The following ALK variants were observed in gnomAD, a reference collection of about 807,000 sequenced individuals.
The protein encoded by ALK is ALK receptor tyrosine kinase.
In ALK, 74 loss-of-function variants were observed where a neutral mutation model predicts 163.1. That is an observed-to-expected ratio of 0.45 (90% confidence interval 0.38 to 0.55). The LOEUF is 0.55. Among genes scored for constraint, ALK ranks in the 20% least tolerant of loss-of-function variants. The pLI, the probability that ALK is intolerant of heterozygous loss-of-function variation, is 0.00. For synonymous variants in ALK, 960 were observed against 843.2 expected, an observed-to-expected ratio of 1.14 and a Z score of -2.40; for missense variants, 2,063 against 2,105.3, an observed-to-expected ratio of 0.98 and a Z score of 0.39.
chr2:29,452,256 T>C (rs146986135), intron 4 of ALK, among the ~76,000 whole-genome samples: 179 of 152,300 alleles, frequency 1.2e-3, no homozygotes, highest in African/African-American at 4.0e-3. Context: ...GCCTGGCTTG[T>C]TCTGGCTTCA....
intron 1 of ALK, among the ~76,000 whole-genome samples, chr2:29,838,316 T>A (rs971528901): frequency 6.6e-6 from 1 of 152,164 alleles, no homozygotes; most frequent in East Asian, 1.9e-4. Context: ...GAAAATAGTG[T>A]TGATTATTTT....
Position 29,360,884 on chromosome 2 carries a change from G to C in ALK, c.1282+22848C>G, listed in dbSNP as rs556823517. Among the ~76,000 whole-genome samples the C allele has an allele frequency of 3.3e-5, 5 of 152,314 alleles. No homozygotes were observed. In the South Asian group the frequency reaches 1.0e-3, roughly 32 times the overall value. Reference sequence around the variant, plus strand: ...ACTTGTTCTGGGTTCTCCTAAGAATGGGGTATTTCTCTAAATCTTCACTTT... The same window carrying C: ...ACTTGTTCTGGGTTCTCCTAAGAATCGGGTATTTCTCTAAATCTTCACTTT... On this transcript the variant is annotated intron_variant, in intron 5 of 28. Coordinates refer to ENST00000389048, the MANE Select transcript of ALK (RefSeq NM_004304.5).
chr2:29,568,047 T>A (rs890171601), intron 3 of ALK, among the ~76,000 whole-genome samples: 3 of 152,194 alleles, frequency 2.0e-5, no homozygotes, highest in Non-Finnish European at 4.4e-5. Flanking sequence ...GGTGAGACTC[T>A]GAGCCTTAAA....
chr2:29,504,000 A>T (rs1420310280), intron 4 of ALK, among the ~76,000 whole-genome samples: 3 of 151,796 alleles, frequency 2.0e-5, no homozygotes, highest in African/African-American at 7.3e-5. Flanking sequence ...TAGTGAGGTG[A>T]TTTGGACAAT....
intron 3 of ALK, among the ~76,000 whole-genome samples, chr2:29,539,691 A>G (rs1400382614): frequency 6.6e-6 from 1 of 152,198 alleles, no homozygotes. Context: ...GAAAATTGCC[A>G]ACACAACATC....
chr2:29,495,211 C>T (rs943442935), intron 4 of ALK, among the ~76,000 whole-genome samples: 1 of 152,204 alleles, frequency 6.6e-6, no homozygotes, highest in Non-Finnish European at 1.5e-5. Context: ...TCCCTGCCTG[C>T]TTCGTGCTGC....
intron 8 of ALK, among the ~76,000 whole-genome samples, chr2:29,314,926 C>T (rs758153121): frequency 6.6e-6 from 1 of 152,144 alleles, no homozygotes; most frequent in Non-Finnish European, 1.5e-5. Context: ...TGTCTCAAAG[C>T]CGAGGCGGAT....
chr2:29,634,279 C>T (rs1676463099), intron 3 of ALK, among the ~76,000 whole-genome samples: 1 of 152,058 alleles, frequency 6.6e-6, no homozygotes, highest in Non-Finnish European at 1.5e-5. Context: ...TTTTATGAAG[C>T]TAGTATTACT....
chr2:29,299,668 A>T (rs1666310352), intron 8 of ALK, among the ~76,000 whole-genome samples: 1 of 152,240 alleles, frequency 6.6e-6, no homozygotes, highest in African/African-American at 2.4e-5. Flanking sequence ...TTCAAAGGGA[A>T]GTGTAAGAGC....
intron 1 of ALK, among the ~76,000 whole-genome samples, chr2:29,789,326 G>T (rs1459892078): frequency 3.9e-5 from 6 of 152,136 alleles, no homozygotes; most frequent in Non-Finnish European, 8.8e-5. Flanking sequence ...AAAAGGCAAG[G>T]TCTAGAAGAG....
At chr2:29,744,250 T>C (rs1436160820) in intron 1 of ALK, among the ~76,000 whole-genome samples, 3 of 152,156 alleles carry the variant, frequency 2.0e-5, no homozygotes, top group African/African-American at 7.2e-5. Context: ...GATCCCACTA[T>C]GGTACAGTGT....
At chr2:29,843,763 C>G (rs1270026832) in intron 1 of ALK, among the ~76,000 whole-genome samples, 5 of 152,136 alleles carry the variant, frequency 3.3e-5, no homozygotes, top group African/African-American at 7.2e-5. Flanking sequence ...AGAACAAAAT[C>G]TCTGGGACCA....
chr2:29,361,910 T>A (rs550522194), intron 5 of ALK, among the ~76,000 whole-genome samples: 5 of 152,320 alleles, frequency 3.3e-5, no homozygotes, highest in Admixed American at 1.3e-4. Context: ...AAACAAATAA[T>A]CTTTAGCCCA....
intron 3 of ALK, among the ~76,000 whole-genome samples, chr2:29,551,730 C>A (rs929105100): frequency 6.6e-6 from 1 of 152,066 alleles, no homozygotes; most frequent in African/African-American, 2.4e-5. Context: ...ACACACAGAA[C>A]AACTTGAGAA....
chr2:29,204,921 G>A (rs1457331464), intron 26 of ALK, among the ~76,000 whole-genome samples: 3 of 152,130 alleles, frequency 2.0e-5, no homozygotes, highest in Non-Finnish European at 4.4e-5. Context: ...TTGACCTTGA[G>A]CACCTGGCTG....
In ALK at chr2:29,227,179, T is replaced by C; in HGVS notation, c.2915-105A>G. On this transcript the variant is annotated intron_variant, in intron 17 of 28. Transcript: ENST00000389048. This position sits in a 1 kb window ranked among gnomAD's most constrained non-coding sequence, Gnocchi z 4.4. ...TCACTGTGGGTGCTCTGGTGGTCCC[T>C]GTTCCTAGGTCCCATAGCCACTGGA... The C allele has an allele frequency of 1.4e-6, 2 of 1,448,794 alleles. No individual in the cohort carries two copies. Among genetic ancestry groups the C allele is most frequent in the Admixed American group, 3.4e-5 (2 of 59,270 alleles). 89.7% of individuals were successfully genotyped at this position (1,448,794 alleles called of 1,614,324 possible).
intron 4 of ALK, among the ~76,000 whole-genome samples, chr2:29,408,489 G>T (rs1016833374): frequency 2.0e-5 from 3 of 152,102 alleles, no homozygotes; most frequent in Admixed American, 1.3e-4. Context: ...CAGTGGGCAG[G>T]GAGCACATGA....
chr2:29,918,701 CGTGTGTGTGT>C (rs1182860750), intron 1 of ALK, among the ~76,000 whole-genome samples: 2 of 151,904 alleles, frequency 1.3e-5, no homozygotes, highest in Non-Finnish European at 2.9e-5. Context: ...TGAGAGTACT[CGTGTGTGTGT>C]GTATGTGTGT....
At chr2:29,631,539 TC>T (rs773162247) in intron 3 of ALK, among the ~76,000 whole-genome samples, 2 of 152,242 alleles carry the variant, frequency 1.3e-5, no homozygotes, top group Non-Finnish European at 2.9e-5. Context: ...GAGTTGGAAA[TC>T]CCAGCTCTGC....
Sources: gnomAD v4.1 joint callset for allele counts (sites outside exome capture counted in the v4.1 genomes callset) on GRCh38, gnomAD v4.1.1 for gene constraint, Gnocchi (gnomAD v3.1) non-coding constraint, MANE v1.5 for transcripts, NCBI Gene and HGNC (gene_info 2026-07-23, HGNC 2026-07-21) for gene names.